The following RAB5IF variants were observed in gnomAD, a reference collection of about 807,000 sequenced individuals.
RAB5IF encodes GEL complex subunit OPTI.
Under a neutral mutation model 20.3 loss-of-function variants are expected in RAB5IF, and 15 were observed. The observed-to-expected ratio is 0.74, with a 90% CI of 0.50 to 1.14. The LOEUF (loss-of-function observed/expected upper bound fraction) is 1.14, where lower values mean the gene tolerates loss of function less well. RAB5IF is among the 50% of genes most tolerant of loss of function. The pLI, the probability that RAB5IF is intolerant of heterozygous loss-of-function variation, is 0.00. For missense variants in RAB5IF, 148 were observed against 159.5 expected, an observed-to-expected ratio of 0.93 and a Z score of 0.39; for synonymous variants, 67 against 63.7, an observed-to-expected ratio of 1.05 and a Z score of -0.25.
intron 1 of RAB5IF, among the ~76,000 whole-genome samples, chr20:36,606,749 G>T (rs1404767134): frequency 1.3e-5 from 2 of 152,172 alleles, no homozygotes; most frequent in Non-Finnish European, 2.9e-5. Flanking sequence ...GTTCTTACTC[G>T]TCCCATTCGG....
In RAB5IF at chr20:36,612,121, T is replaced by C; in HGVS notation, c.*70T>C. 6.2e-7 allele frequency: 1 copy of C among 1,614,178 alleles called. No individual in the cohort carries two copies. Among genetic ancestry groups the C allele is most frequent in the Non-Finnish European group, 8.5e-7 (1 of 1,180,026 alleles). On this transcript the variant is annotated 3_prime_UTR_variant, in exon 4 of 4. Transcript: ENST00000344795. ...TCTTGATTACAGCACAGGAACTTGA[T>C]CGTTGGGGAACCCCAGCCCCTTGGA...
chr20:36,612,298 C>A lies in RAB5IF; in HGVS notation c.*247C>A. 7.2e-7 allele frequency: 1 copy of A among 1,380,942 alleles called. No homozygotes were observed. The highest frequency in any genetic ancestry group is 1.0e-6 in the Non-Finnish European group (1 of 970,422). The allele number at this position is 1,380,942 out of a possible 1,614,324, so 85.5% of individuals were successfully genotyped here. A position where few individuals can be genotyped will look rare whatever the true frequency, so the allele number is the denominator to read the frequency against. On this transcript the variant is annotated 3_prime_UTR_variant, in exon 4 of 4. Transcript: ENST00000344795. ...ATCACCAACCATTTCTTCTTGGATA[C>A]CATCAAGTAACAGCTATTATTTGCC...
At position 36,605,865 on chromosome 20, in the gene RAB5IF, C is replaced by A; in HGVS notation, c.-87C>A. The A allele has an allele frequency of 1.4e-6, 1 of 709,192 alleles. No individual in the cohort carries two copies. The highest frequency in any genetic ancestry group is 2.1e-6 in the Non-Finnish European group (1 of 483,686). The allele number at this position is 709,192 out of a possible 1,614,324, so 43.9% of individuals were successfully genotyped here. On this transcript the variant is annotated 5_prime_UTR_variant, in exon 1 of 4. Coordinates refer to ENST00000344795, the MANE Select transcript of RAB5IF (RefSeq NM_018840.5). Reference sequence around the variant, plus strand: ...CCGGGCCGCTGAGCCTGCAGCCGCCCCGCGCCGTGACCTGCGACCCTAGAC... The same window carrying A: ...CCGGGCCGCTGAGCCTGCAGCCGCCACGCGCCGTGACCTGCGACCCTAGAC...
chr20:36,609,486 C>G, intron 2 of RAB5IF, 115 bp from the exon 3 acceptor site: 1 of 1,423,626 alleles, frequency 7.0e-7, no homozygotes, highest in South Asian at 1.5e-5. Context: ...GTGATCCGCC[C>G]ACCTCAGCCT....
chr20:36,608,685 T>A (rs2038992401), intron 2 of RAB5IF, among the ~76,000 whole-genome samples: 1 of 149,560 alleles, frequency 6.7e-6, no homozygotes, highest in Non-Finnish European at 1.5e-5. Context: ...TGCCTCAGAC[T>A]CCCAAGTAGC....
At chr20:36,610,970 C>A (rs2039097824) in intron 3 of RAB5IF, among the ~76,000 whole-genome samples, 1 of 152,068 alleles carries the variant, frequency 6.6e-6, no homozygotes, top group South Asian at 2.1e-4. Flanking sequence ...CACAACTGTT[C>A]CTATACAGAA....
Position 36,609,743 on chromosome 20 carries a change from GAT to G in RAB5IF, c.348+15_348+16del. The G allele has an allele frequency of 6.2e-7, 1 of 1,614,142 alleles. No individual in the cohort carries two copies. Among genetic ancestry groups the G allele is most frequent in the East Asian group, 2.2e-5 (1 of 44,890 alleles). On this transcript the variant is annotated intron_variant, in intron 3 of 3. Coordinates refer to ENST00000344795, the MANE Select transcript of RAB5IF (RefSeq NM_018840.5). ...TGCCTTGTTCATGGTATGTGTAGCT[GAT>G]AGTTTTACAACAGGTACTGTTCATT...
chr20:36,611,493 C>CAAAAAAA (rs60975859), intron 3 of RAB5IF, among the ~76,000 whole-genome samples: 25 of 46,524 alleles, frequency 5.4e-4, no homozygotes, highest in African/African-American at 1.2e-3. Context: ...CAGCAGGACT[C>CAAAAAAA]AAAAAAAAAA....
rs2879731 is a variant in RAB5IF, at chr20:36,608,709, G to A, written c.218+891G>A. ...CTCCCAAGTAGCTGGGACTACAGGT[G>A]TCTGCCCCCATGCCCGGCTTATTTT... is the stretch of plus-strand genomic sequence containing the variant. On this transcript the variant is annotated intron_variant, in intron 2 of 3. Coordinates refer to ENST00000344795, the MANE Select transcript of RAB5IF (RefSeq NM_018840.5). Among the ~76,000 whole-genome samples, 669 of 151,982 alleles carry A rather than the reference G, an allele frequency of 4.4e-3. 1 individual carries two copies. The highest frequency in any genetic ancestry group is 6.4e-3 in the Non-Finnish European group (433 of 67,938).
chr20:36,609,394 A>G (rs765697640), intron 2 of RAB5IF, among the ~76,000 whole-genome samples: 1 of 151,340 alleles, frequency 6.6e-6, no homozygotes, highest in Non-Finnish European at 1.5e-5. Flanking sequence ...CGCCCACCAC[A>G]ATGCCCTGCT....
intron 2 of RAB5IF, 194 bp downstream of exon 2, chr20:36,608,012 T>A: frequency 6.9e-7 from 1 of 1,442,066 alleles, no homozygotes; most frequent in Non-Finnish European, 9.3e-7. Context: ...TCAGGCAGGT[T>A]ACCTTCCTGC....
At chr20:36,609,254 C>G (rs962318184) in intron 2 of RAB5IF, among the ~76,000 whole-genome samples, 1 of 135,196 alleles carries the variant, frequency 7.4e-6, no homozygotes, top group Non-Finnish European at 1.5e-5. Context: ...CACACACACA[C>G]ACTATATATA....
Position 36,612,060 on chromosome 20 carries a change from A to T in RAB5IF, c.*9A>T, listed in dbSNP as rs369227155. On this transcript the variant is annotated 3_prime_UTR_variant, in exon 4 of 4. Coordinates refer to ENST00000344795, the MANE Select transcript of RAB5IF (RefSeq NM_018840.5). ...CCATCCATTATGACTGATGGTGTACAGCTCCCAAGTGCTCCCTATCCAGTC... is the reference window on the plus strand; with the variant it reads ...CCATCCATTATGACTGATGGTGTACTGCTCCCAAGTGCTCCCTATCCAGTC... 18 of 1,614,178 alleles carry T rather than the reference A, an allele frequency of 1.1e-5. No individual in the cohort carries two copies. The highest frequency in any genetic ancestry group is 8.9e-5 in the East Asian group (4 of 44,886).
chr20:36,609,260 A>AC (rs2039047326), intron 2 of RAB5IF, among the ~76,000 whole-genome samples: 1 of 120,640 alleles, frequency 8.3e-6, no homozygotes, highest in African/African-American at 3.1e-5. Context: ...CACACACTAT[A>AC]TATAGAGTTT....
At chr20:36,611,292 A>ATT (rs879106829) in intron 3 of RAB5IF, among the ~76,000 whole-genome samples, 1 of 150,678 alleles carries the variant, frequency 6.6e-6, no homozygotes, top group Admixed American at 6.6e-5. Flanking sequence ...CACCTGGCCC[A>ATT]TTTTTTTTTA....
At chr20:36,608,471 C>T (rs1475634161) in intron 2 of RAB5IF, among the ~76,000 whole-genome samples, 1 of 151,832 alleles carries the variant, frequency 6.6e-6, no homozygotes, top group Non-Finnish European at 1.5e-5. Context: ...TCTTGAACTC[C>T]TGGGCTCAAG....
At chr20:36,611,871 T>G in intron 3 of RAB5IF, 139 bp from the exon 4 acceptor site, 3 of 1,110,796 alleles carry the variant, frequency 2.7e-6, no homozygotes, top group Admixed American at 2.1e-5. Flanking sequence ...TGAAATAATT[T>G]AGACCCCCCA....
intron 1 of RAB5IF, among the ~76,000 whole-genome samples, chr20:36,606,938 C>A (rs1347996407): frequency 6.6e-6 from 1 of 152,176 alleles, no homozygotes; most frequent in Non-Finnish European, 1.5e-5. Flanking sequence ...CTGAAGGTGC[C>A]CTTGTTCTGC....
chr20:36,609,156 T>TACATACATATAC, intron 2 of RAB5IF, among the ~76,000 whole-genome samples: 1 of 17,052 alleles, frequency 5.9e-5, no homozygotes, highest in Non-Finnish European at 1.1e-4. Context: ...AGAACTATAT[T>TACATACATATAC]ACACACACAC....
Sources: allele counts gnomAD v4.1 joint callset (sites outside exome capture counted in the v4.1 genomes callset), GRCh38; gene constraint gnomAD v4.1.1; transcripts MANE v1.5; gene names NCBI Gene and HGNC (gene_info 2026-07-23, HGNC 2026-07-21).